Variants in PPP6R2 observed in about 807,000 individuals in gnomAD.
PPP6R2 encodes serine/threonine-protein phosphatase 6 regulatory subunit 2.
In PPP6R2, 62 loss-of-function variants were observed where a neutral mutation model predicts 100.2. The observed-to-expected ratio is 0.62, with a 90% CI of 0.50 to 0.76. PPP6R2 has a LOEUF of 0.76. Among genes scored for constraint, PPP6R2 ranks in the 30% least tolerant of loss-of-function variants. PPP6R2 has a pLI of 0.00. For synonymous variants in PPP6R2, 525 were observed against 514.7 expected, an observed-to-expected ratio of 1.02 and a Z score of -0.27; for missense variants, 1,142 against 1,276.3, an observed-to-expected ratio of 0.89 and a Z score of 1.60.
intron 11 of PPP6R2, among the ~76,000 whole-genome samples, chr22:50,432,011 TGGA>T (rs1030328978): frequency 6.6e-6 from 1 of 151,872 alleles, no homozygotes; most frequent in African/African-American, 2.4e-5. Context: ...TTCCAGGAGT[TGGA>T]GGAGAAGGGA....
chr22:50,436,001 G>A (rs544533809), intron 13 of PPP6R2, among the ~76,000 whole-genome samples: 3 of 152,344 alleles, frequency 2.0e-5, no homozygotes, highest in African/African-American at 7.2e-5. Flanking sequence ...GGGGAAGGAA[G>A]CTGGCTGCTT....
chr22:50,384,557 AAAAAG>A lies in PPP6R2; in HGVS notation c.-16-9322_-16-9318del, dbSNP rs767300812. ...GCGACAGAGCGAGACTCCGTCTCAA[AAAAAG>A]AAAAGAAAAGAAATTTATTTCATAT... On this transcript the variant is annotated intron_variant, in intron 2 of 23. Coordinates refer to ENST00000612753, the MANE Select transcript of PPP6R2 (RefSeq NM_001242898.2). 2.2e-4 allele frequency among the ~76,000 whole-genome samples: 33 copies of A among 152,330 alleles called. No homozygotes were observed. In the East Asian group the frequency reaches 3.7e-3, roughly 17 times the overall value.
chr22:50,372,817 T>C (rs1034417968), intron 2 of PPP6R2, among the ~76,000 whole-genome samples: 23 of 151,828 alleles, frequency 1.5e-4, no homozygotes, highest in African/African-American at 5.6e-4. Context: ...GCCTCCCAAG[T>C]AGCTGGGACT....
chr22:50,393,845 G>T (rs1178374695), intron 2 of PPP6R2, 48 bp from the exon 3 acceptor site: 1 of 1,606,306 alleles, frequency 6.2e-7, no homozygotes. Flanking sequence ...GTTGCTGAAG[G>T]TGGATTTGCA....
chr22:50,439,695 C>T lies in PPP6R2; in HGVS notation c.2129-6C>T, dbSNP rs755384063. The T allele has an allele frequency of 7.0e-6, 11 of 1,576,190 alleles. No individual in the cohort carries two copies. In the Admixed American group the frequency reaches 7.3e-5, roughly 10 times the overall value. ...ACGCCTGACCACTGTGTCTCTCCCC[C>T]AGCAGGCGCCATGTGGACGGCAGTG... On this transcript the variant is annotated splice_polypyrimidine_tract_variant and splice_region_variant and intron_variant, in intron 19 of 23. Transcript: ENST00000612753.
rs1237242204 is a variant in PPP6R2, at chr22:50,423,662, C to T, written c.1125+48C>T. On this transcript the variant is annotated intron_variant, in intron 10 of 23. Transcript: ENST00000612753. This position sits in a 1 kb window ranked among gnomAD's most constrained non-coding sequence, Gnocchi z 4.8. ...CCTGCATGTCTGTGAGTGTGCCGGG[C>T]ATGGCCTGTGGACTTGTCAGGAGCA... 1.2e-6 allele frequency: 2 copies of T among 1,607,372 alleles called. No homozygotes were observed. The highest frequency in any genetic ancestry group is 1.7e-6 in the Non-Finnish European group (2 of 1,175,678).
At position 50,418,935 on chromosome 22, in the gene PPP6R2, G is replaced by A. The variant is rs753811448; in HGVS notation, c.687G>A (p.Leu229=). ...VRLGRDQGSQ[L]QEALEPDPLL... is the part of the protein sequence containing the mutation. ...TGGGCAGAGACCAGGGCAGTCAGCT[G>A]CAAGAGGCTCTGGAGCCAGACCCGC... Residue 229 remains leucine, a synonymous_variant, in exon 7 of 24, where the codon CTG becomes CTA. Transcript: ENST00000612753. 1 of 1,613,948 alleles carries A rather than the reference G, an allele frequency of 6.2e-7. No homozygotes were observed. Among genetic ancestry groups the A allele is most frequent in the East Asian group, 2.2e-5 (1 of 44,890 alleles).
intron 2 of PPP6R2, among the ~76,000 whole-genome samples, chr22:50,381,406 A>G (rs1264622102): frequency 1.1e-5 from 1 of 93,198 alleles, no homozygotes; most frequent in African/African-American, 4.9e-5. Flanking sequence ...GCCCCACCTC[A>G]GCACCACACG....
chr22:50,354,312 A>G (rs1426751863), intron 1 of PPP6R2, among the ~76,000 whole-genome samples: 1 of 151,880 alleles, frequency 6.6e-6, no homozygotes, highest in African/African-American at 2.4e-5. Context: ...CTCAAAATAA[A>G]TAAATAATAA....
At position 50,427,422 on chromosome 22, in the gene PPP6R2, A is replaced by G. The variant is rs187682556; in HGVS notation, c.1126-3751A>G. Among the ~76,000 whole-genome samples the G allele has an allele frequency of 2.3e-3, 348 of 152,270 alleles. 2 individuals are homozygous for G. Among genetic ancestry groups the G allele is most frequent in the African/African-American group, 7.3e-3 (303 of 41,552 alleles). ...TATGAATTTGGGGATGGGTTTTTCA[A>G]TGTTTGCAAAATTGCTGTTCAGATT... On this transcript the variant is annotated intron_variant, in intron 10 of 23. Transcript: ENST00000612753.
At chr22:50,336,239 C>T in the PPP6R2 span, among the ~76,000 whole-genome samples, 1 of 152,062 alleles carries the variant, frequency 6.6e-6, no homozygotes, top group Non-Finnish European at 1.5e-5. Context: ...CCACCCACCT[C>T]GGCTTCCCAA....
chr22:50,419,493 C>G (rs1357132592), intron 8 of PPP6R2, 31 bp downstream of exon 8: 1 of 1,481,618 alleles, frequency 6.7e-7, no homozygotes, highest in African/African-American at 1.4e-5. Context: ...TCGTGTAGAG[C>G]TGAACTTGAC....
intron 1 of PPP6R2, among the ~76,000 whole-genome samples, chr22:50,356,173 C>T (rs1466854288): frequency 6.6e-6 from 1 of 151,332 alleles, no homozygotes; most frequent in Non-Finnish European, 1.5e-5. Context: ...ACCGTGTTAG[C>T]CAGGATGGTC....
intron 14 of PPP6R2, 68 bp from the exon 15 acceptor site, chr22:50,436,920 G>T: frequency 7.6e-7 from 1 of 1,314,766 alleles, no homozygotes; most frequent in Non-Finnish European, 1.1e-6. Flanking sequence ...GGTCCTGGGC[G>T]CTGGGCTGGG....
chr22:50,399,417 G>A (rs1054482840), intron 3 of PPP6R2, among the ~76,000 whole-genome samples: 1 of 152,228 alleles, frequency 6.6e-6, no homozygotes, highest in African/African-American at 2.4e-5. Flanking sequence ...CATTTATACA[G>A]AGCAGCACCT....
intron 13 of PPP6R2, among the ~76,000 whole-genome samples, 180 bp from the exon 14 acceptor site, chr22:50,436,187 C>T (rs1196821773): frequency 6.6e-6 from 1 of 152,234 alleles, no homozygotes; most frequent in East Asian, 1.9e-4. Context: ...CCTCCGGACA[C>T]GCGGCTATGC....
chr22:50,405,956 G>A (rs1433676303), intron 3 of PPP6R2, among the ~76,000 whole-genome samples: 8 of 134,720 alleles, frequency 5.9e-5, no homozygotes, highest in East Asian at 2.5e-4. Context: ...GAGGTGAGAG[G>A]CCTGGAGAGA....
intron 1 of PPP6R2, among the ~76,000 whole-genome samples, chr22:50,347,744 G>C (rs1271786915): frequency 1.3e-5 from 2 of 152,028 alleles, no homozygotes; most frequent in African/African-American, 4.8e-5. Flanking sequence ...CCTGTGTCTT[G>C]TTCTTTCATC....
chr22:50,388,252 GGT>G (rs2148784929), intron 2 of PPP6R2, among the ~76,000 whole-genome samples: 1 of 152,032 alleles, frequency 6.6e-6, no homozygotes, highest in Non-Finnish European at 1.5e-5. Flanking sequence ...AAATTAGCTG[GGT>G]GTGGTGGCGC....
Sources: gnomAD v4.1 joint callset for allele counts (sites outside exome capture counted in the v4.1 genomes callset) on GRCh38, gnomAD v4.1.1 for gene constraint, Gnocchi (gnomAD v3.1) non-coding constraint, MANE v1.5 for transcripts, NCBI Gene and HGNC (gene_info 2026-07-23, HGNC 2026-07-21) for gene names.